UBE2W: variants seen among roughly 807,000 people sequenced by gnomAD.
UBE2W encodes the protein ubiquitin conjugating enzyme E2 W, also known as ubiquitin-conjugating enzyme E2 W.
A neutral mutation model predicts 27.2 loss-of-function variants in UBE2W; 18 were observed. The observed-to-expected ratio is 0.66, with a 90% CI of 0.46 to 0.98. The LOEUF is 0.98. UBE2W is among the 50% of genes least tolerant of loss of function. The pLI is 0.00. For missense variants in UBE2W, 90 were observed against 180.2 expected, an observed-to-expected ratio of 0.50 and a Z score of 2.87; for synonymous variants, 53 against 57.2, an observed-to-expected ratio of 0.93 and a Z score of 0.33.
At position 73,787,908 on chromosome 8, in the gene UBE2W, A is replaced by G; in HGVS notation, c.*6194T>C. ...AGTTGGGACTTATTAAAACACTAAA[A>G]CTAGCTACATATTACATAAAGGTGA... On this transcript the variant is annotated 3_prime_UTR_variant, in exon 6 of 6. Coordinates refer to ENST00000602593, the MANE Select transcript of UBE2W (RefSeq NM_018299.6). 1 of 985,398 alleles carries G rather than the reference A, an allele frequency of 1.0e-6. No homozygotes were observed. The highest frequency in any genetic ancestry group is 1.2e-6 in the Non-Finnish European group (1 of 829,910). 61.0% of individuals were successfully genotyped at this position (985,398 alleles called of 1,614,324 possible).
At position 73,788,522 on chromosome 8, in the gene UBE2W, A is replaced by G; in HGVS notation, c.*5580T>C. The G allele has an allele frequency of 4.1e-6, 4 of 985,426 alleles. No homozygotes were observed. Among genetic ancestry groups the G allele is most frequent in the Non-Finnish European group, 3.6e-6 (3 of 829,928 alleles). 61.0% of individuals were successfully genotyped at this position (985,426 alleles called of 1,614,324 possible). A position where few individuals can be genotyped will look rare whatever the true frequency, so the allele number is the denominator to read the frequency against. ...TGACCACCAATTTGCCTTTACATAA[A>G]CAATCTGTGGTTAACTATGAAAAGA... is the stretch of plus-strand genomic sequence containing the variant. On this transcript the variant is annotated 3_prime_UTR_variant, in exon 6 of 6. Coordinates refer to ENST00000602593, the MANE Select transcript of UBE2W (RefSeq NM_018299.6).
In UBE2W at chr8:73,790,192, AAGAG is replaced by A. The variant is rs1421735104; in HGVS notation, c.*3906_*3909del. ...AGAATCCCTAACCTCAGAAAAAAAAAAGAGAGAATAAATTAGAAGTGAGAAAAGG... is the reference window on the plus strand; with the variant it reads ...AGAATCCCTAACCTCAGAAAAAAAAAAGAATAAATTAGAAGTGAGAAAAGG... On this transcript the variant is annotated 3_prime_UTR_variant, in exon 6 of 6. Coordinates refer to ENST00000602593, the MANE Select transcript of UBE2W (RefSeq NM_018299.6). 2.0e-6 allele frequency: 2 copies of A among 984,956 alleles called. No individual in the cohort carries two copies. Among genetic ancestry groups the A allele is most frequent in the South Asian group, 4.7e-5 (1 of 21,294 alleles). 61.0% of individuals were successfully genotyped at this position (984,956 alleles called of 1,614,324 possible).
intron 4 of UBE2W, 133 bp from the exon 5 acceptor site, chr8:73,805,859 T>C: frequency 4.2e-6 from 2 of 475,888 alleles, no homozygotes; most frequent in Non-Finnish European, 7.5e-6. Flanking sequence ...TCTAAAAGAA[T>C]AAAAACTATA....
At chr8:73,818,181 T>A (rs1356076890) in intron 3 of UBE2W, among the ~76,000 whole-genome samples, 1 of 152,226 alleles carries the variant, frequency 6.6e-6, no homozygotes. Flanking sequence ...TACAGTTGCA[T>A]ATGCCAAAAA....
In UBE2W at chr8:73,790,609, AAC is replaced by A. The variant is rs1387998524; in HGVS notation, c.*3491_*3492del. 1 of 985,020 alleles carries A rather than the reference AAC, an allele frequency of 1.0e-6. No homozygotes were observed. The highest frequency in any genetic ancestry group is 1.2e-6 in the Non-Finnish European group (1 of 829,658). 61.0% of individuals were successfully genotyped at this position (985,020 alleles called of 1,614,324 possible). ...AGCAGCAGTAACCATAAAGGCTTAG[AAC>A]TAGTGACACTGAATTCTTTATTTAA... On this transcript the variant is annotated 3_prime_UTR_variant, in exon 6 of 6. Coordinates refer to ENST00000602593, the MANE Select transcript of UBE2W (RefSeq NM_018299.6).
chr8:73,868,280 G>A (rs1439402241), intron 1 of UBE2W, among the ~76,000 whole-genome samples: 1 of 152,178 alleles, frequency 6.6e-6, no homozygotes, highest in Non-Finnish European at 1.5e-5. Context: ...ATGAAGCCTT[G>A]TAAAAACCCG....
downstream of UBE2W, among the ~76,000 whole-genome samples, chr8:73,781,497 G>A (rs1290873298): frequency 2.6e-5 from 4 of 151,690 alleles, no homozygotes; most frequent in Non-Finnish European, 5.9e-5. Context: ...TCTTCTCTTT[G>A]TACTTTGGTG....
intron 1 of UBE2W, among the ~76,000 whole-genome samples, chr8:73,851,521 T>G (rs1316559275): frequency 6.6e-6 from 1 of 152,182 alleles, no homozygotes; most frequent in African/African-American, 2.4e-5. Context: ...GTGATCTCCT[T>G]GGGACAGTGA....
chr8:73,855,024 G>A (rs1811228546), intron 1 of UBE2W, among the ~76,000 whole-genome samples: 1 of 152,128 alleles, frequency 6.6e-6, no homozygotes, highest in Non-Finnish European at 1.5e-5. Flanking sequence ...ATCTGAAATG[G>A]TGGGCAACCA....
chr8:73,826,029 A>C (rs1232659654), intron 2 of UBE2W, among the ~76,000 whole-genome samples: 2 of 152,104 alleles, frequency 1.3e-5, no homozygotes, highest in Non-Finnish European at 2.9e-5. Context: ...TGTCAGACTT[A>C]TTTTTTTCAT....
chr8:73,861,042 T>C (rs1477514109), intron 1 of UBE2W, among the ~76,000 whole-genome samples: 1 of 152,128 alleles, frequency 6.6e-6, no homozygotes, highest in East Asian at 1.9e-4. Context: ...CCTTTGATCC[T>C]AGAAGTTCAA....
chr8:73,810,080 G>C (rs1322167300), intron 4 of UBE2W, among the ~76,000 whole-genome samples: 1 of 152,104 alleles, frequency 6.6e-6, no homozygotes, highest in Admixed American at 6.6e-5. Context: ...GAAACAGGTT[G>C]ATCGGGTGGG....
rs527626574 is a variant in UBE2W at position 73,821,635 on chromosome 8, T to C, written c.210+3512A>G. On this transcript the variant is annotated intron_variant, in intron 3 of 5. Transcript: ENST00000602593. ...ATAACTGTGCCTTCAAACAAATCTA[T>C]TGGCACCGTGAAAGGATGTAGGAAT... Among the ~76,000 whole-genome samples, 30 of 151,000 alleles carry C rather than the reference T, an allele frequency of 2.0e-4. 1 individual carries two copies. The highest frequency in any genetic ancestry group is 1.6e-3 in the Admixed American group (24 of 15,072).
chr8:73,780,994 G>A (rs1807830308), intron 4 of UBE2W, among the ~76,000 whole-genome samples: 1 of 152,022 alleles, frequency 6.6e-6, no homozygotes, highest in Non-Finnish European at 1.5e-5. Context: ...TCCTGGCTGA[G>A]CGCGGTGGCT....
At chr8:73,869,142 T>G (rs565968690) in intron 1 of UBE2W, among the ~76,000 whole-genome samples, 2 of 152,318 alleles carry the variant, frequency 1.3e-5, no homozygotes, top group African/African-American at 4.8e-5. Context: ...AGAAACATTA[T>G]GAACTGGGCA....
intron 1 of UBE2W, among the ~76,000 whole-genome samples, chr8:73,857,895 C>CA (rs1811371517): frequency 6.6e-6 from 1 of 151,946 alleles, no homozygotes; most frequent in Admixed American, 6.6e-5. Flanking sequence ...CCTCAGTTGC[C>CA]AAAAGTAGCC....
chr8:73,832,821 G>A (rs983047805), intron 1 of UBE2W, among the ~76,000 whole-genome samples: 4 of 152,168 alleles, frequency 2.6e-5, no homozygotes, highest in East Asian at 1.9e-4. Flanking sequence ...CTCAACCTGC[G>A]TAAGGTCTTA....
chr8:73,780,532 T>TATTC lies in UBE2W; in HGVS notation c.430-16_430-15insGAAT, dbSNP rs1348292215. The TATTC allele has an allele frequency of 2.8e-5, 12 of 433,522 alleles. No homozygotes were observed. In the African/African-American group the frequency reaches 3.0e-4, roughly 11 times the overall value. 26.9% of individuals were successfully genotyped at this position (433,522 alleles called of 1,614,324 possible). A position where few individuals can be genotyped will look rare whatever the true frequency, so the allele number is the denominator to read the frequency against. On this transcript the variant is annotated splice_polypyrimidine_tract_variant and intron_variant, in intron 4 of 4. Transcript: ENST00000523278. The stretch of plus-strand genomic sequence containing the variant: ...AGATTTCAGTTCTGAAAAAAAAATT[T>TATTC]ATTTATTTATTTATTTTTTGAGACA...
rs1182012675 is a variant in UBE2W, at chr8:73,878,704, G to A, written c.15+104C>T. 12 of 1,099,498 alleles carry A rather than the reference G, an allele frequency of 1.1e-5. No homozygotes were observed. The East Asian group carries it at 1.6e-4, about 15-fold the overall frequency. 68.1% of individuals were successfully genotyped at this position (1,099,498 alleles called of 1,614,324 possible). A position where few individuals can be genotyped will look rare whatever the true frequency, so the allele number is the denominator to read the frequency against. On this transcript the variant is annotated intron_variant, in intron 1 of 5. Coordinates refer to ENST00000602593, the MANE Select transcript of UBE2W (RefSeq NM_018299.6). ...AAAACAGGCCACCCGGACCGATCCC[G>A]AACCCGCCCGGGTGTCCCCGAATCG...
Sources: allele counts gnomAD v4.1 joint callset (sites outside exome capture counted in the v4.1 genomes callset), GRCh38; gene constraint gnomAD v4.1.1; transcripts MANE v1.5; gene names NCBI Gene and HGNC (gene_info 2026-07-23, HGNC 2026-07-21).